Variants in SFXN5 observed in about 807,000 individuals in gnomAD.
SFXN5 encodes the protein sideroflexin 5.
SFXN5 carries 43 observed loss-of-function variants against 50.2 expected under a neutral mutation model. The observed-to-expected ratio is 0.86, with a 90% CI of 0.67 to 1.11. The LOEUF is 1.11. Ranked by LOEUF, SFXN5 falls within the 50% of genes least tolerant of loss-of-function variation. The pLI is 0.00. For missense variants in SFXN5, 463 were observed against 454.1 expected (o/e 1.02, Z -0.18); for synonymous variants, 203 against 185.8 (o/e 1.09, Z -0.75).
At chr2:73,050,775 C>T (rs1429588704) in intron 2 of SFXN5, among the ~76,000 whole-genome samples, 1 of 152,230 alleles carries the variant, frequency 6.6e-6, no homozygotes, top group Non-Finnish European at 1.5e-5. Context: ...GTCACTTGGC[C>T]ACACTGCTGG....
At chr2:73,055,598 CTTTT>C (rs570909541) in intron 2 of SFXN5, among the ~76,000 whole-genome samples, 3 of 133,920 alleles carry the variant, frequency 2.2e-5, no homozygotes. Context: ...TTTTCTTTTT[CTTTT>C]TTTTTTTTTT....
At chr2:73,008,948 C>T (rs1384334534) in intron 6 of SFXN5, among the ~76,000 whole-genome samples, 4 of 152,050 alleles carry the variant, frequency 2.6e-5, no homozygotes, top group Non-Finnish European at 4.4e-5. Flanking sequence ...CAGGGTAGGG[C>T]GAGGTGACTC....
chr2:73,066,901 C>T (rs1344855449), intron 1 of SFXN5, among the ~76,000 whole-genome samples: 1 of 151,952 alleles, frequency 6.6e-6, no homozygotes, highest in African/African-American at 2.4e-5. Context: ...TACATATAGC[C>T]ACGCATGGTG....
At chr2:73,008,502 C>T (rs1040997715) in intron 6 of SFXN5, among the ~76,000 whole-genome samples, 14 of 152,038 alleles carry the variant, frequency 9.2e-5, no homozygotes, top group Non-Finnish European at 1.8e-4. Context: ...GGGAAGAGGG[C>T]GCAGGAGCAG....
chr2:72,944,968 T>C lies in SFXN5; in HGVS notation c.*54A>G, dbSNP rs1449815505. The C allele has an allele frequency of 6.4e-7, 1 of 1,555,380 alleles. No individual in the cohort carries two copies. The highest frequency in any genetic ancestry group is 8.8e-7 in the Non-Finnish European group (1 of 1,133,186). On this transcript the variant is annotated 3_prime_UTR_variant, in exon 14 of 14. Coordinates refer to ENST00000272433, the MANE Select transcript of SFXN5 (RefSeq NM_144579.3). ...AGGTGCAGCCGTGAGTCTACGGCCC[T>C]GCCCCTCAGCTCCCCGGCTGCACAG...
At chr2:72,966,614 G>A (rs1028061559) in intron 12 of SFXN5, among the ~76,000 whole-genome samples, 1 of 152,120 alleles carries the variant, frequency 6.6e-6, no homozygotes, top group African/African-American at 2.4e-5. Flanking sequence ...CACCTCAGCT[G>A]GGCACACAGG....
intron 10 of SFXN5, among the ~76,000 whole-genome samples, chr2:72,972,228 C>T (rs1448332283): frequency 2.6e-5 from 4 of 152,224 alleles, no homozygotes; most frequent in Non-Finnish European, 4.4e-5. Context: ...GCACCACCCC[C>T]TCATCATATG....
intron 2 of SFXN5, among the ~76,000 whole-genome samples, chr2:73,050,321 TC>T (rs1681078621): frequency 6.6e-6 from 1 of 151,818 alleles, no homozygotes; most frequent in African/African-American, 2.4e-5. Context: ...GCAACTCTCT[TC>T]CTGGGCCCCA....
At chr2:73,066,686 G>A (rs1263241991) in intron 1 of SFXN5, among the ~76,000 whole-genome samples, 3 of 151,630 alleles carry the variant, frequency 2.0e-5, no homozygotes, top group Admixed American at 6.6e-5. Context: ...TATGAATAGC[G>A]ACTGGTTACT....
At chr2:72,974,681 G>C (rs1670414976) in intron 10 of SFXN5, among the ~76,000 whole-genome samples, 1 of 152,160 alleles carries the variant, frequency 6.6e-6, no homozygotes, top group Non-Finnish European at 1.5e-5. Context: ...ATGCCCTTGG[G>C]CAGTGGGAAT....
At chr2:73,002,298 C>A (rs1674015169) in intron 6 of SFXN5, among the ~76,000 whole-genome samples, 1 of 152,158 alleles carries the variant, frequency 6.6e-6, no homozygotes, top group Non-Finnish European at 1.5e-5. Flanking sequence ...ACATGTAGAT[C>A]CATTATTCCC....
intron 3 of SFXN5, among the ~76,000 whole-genome samples, chr2:73,026,792 G>A (rs1340631063): frequency 6.6e-6 from 1 of 151,860 alleles, no homozygotes; most frequent in Non-Finnish European, 1.5e-5. Context: ...GCAATGGCAC[G>A]GTCTTGGCTC....
At chr2:73,026,401 G>A (rs1677559268) in intron 3 of SFXN5, among the ~76,000 whole-genome samples, 1 of 151,870 alleles carries the variant, frequency 6.6e-6, no homozygotes, top group Non-Finnish European at 1.5e-5. Context: ...AAACTGCTGG[G>A]ATTACACCTC....
chr2:73,043,337 G>A (rs997024683), intron 2 of SFXN5, among the ~76,000 whole-genome samples: 1 of 152,250 alleles, frequency 6.6e-6, no homozygotes, highest in Non-Finnish European at 1.5e-5. Flanking sequence ...AGGGAACACA[G>A]GGTTTTCTGA....
intron 2 of SFXN5, among the ~76,000 whole-genome samples, chr2:73,047,980 T>C (rs1016025564): frequency 1.3e-5 from 2 of 152,180 alleles, no homozygotes; most frequent in African/African-American, 4.8e-5. Context: ...AGAATAACCA[T>C]GTGATGAATT....
rs368218584 is a variant in SFXN5, at chr2:72,960,494, C to T, written c.945+637G>A. 1.3e-5 allele frequency among the ~76,000 whole-genome samples: 2 copies of T among 152,186 alleles called. No homozygotes were observed. The highest frequency in any genetic ancestry group is 2.9e-5 in the Non-Finnish European group (2 of 68,032). On this transcript the variant is annotated intron_variant, in intron 13 of 13. Transcript: ENST00000272433. This position sits in a 1 kb window ranked among gnomAD's most constrained non-coding sequence, Gnocchi z 6.1. ...ATCACCGCTTGCTGGATGCCCGCCA[C>T]AGGCTCCTGATGGTTCCTTCTCTGG...
intron 5 of SFXN5, among the ~76,000 whole-genome samples, chr2:73,022,180 G>A (rs1676978902): frequency 6.6e-6 from 1 of 152,216 alleles, no homozygotes; most frequent in Non-Finnish European, 1.5e-5. Context: ...GGAATGACTT[G>A]CAGAAGCCAG....
chr2:73,008,774 T>A (rs1273655715), intron 6 of SFXN5, among the ~76,000 whole-genome samples: 2 of 152,096 alleles, frequency 1.3e-5, no homozygotes, highest in African/African-American at 4.8e-5. Context: ...TAAATTGGGA[T>A]CTCTTTGCCA....
intron 6 of SFXN5, among the ~76,000 whole-genome samples, chr2:73,016,949 C>T (rs972367241): frequency 6.6e-6 from 1 of 152,122 alleles, no homozygotes; most frequent in Non-Finnish European, 1.5e-5. Flanking sequence ...GGGTTGTTTA[C>T]CCCCGTGATC....
Sources: allele counts gnomAD v4.1 joint callset (sites outside exome capture counted in the v4.1 genomes callset), GRCh38; gene constraint gnomAD v4.1.1; non-coding constraint Gnocchi (gnomAD v3.1); transcripts MANE v1.5; gene names NCBI Gene and HGNC (gene_info 2026-07-23, HGNC 2026-07-21).